TGFB2: variants seen among roughly 807,000 people sequenced by gnomAD.
TGFB2 encodes transforming growth factor beta 2, also known as transforming growth factor beta-2 proprotein.
In TGFB2, 13 loss-of-function variants were observed where a neutral mutation model predicts 42.7. That is an observed-to-expected ratio of 0.30 (90% CI 0.20 to 0.48). The LOEUF (loss-of-function observed/expected upper bound fraction) is 0.48, where lower values mean the gene tolerates loss of function less well. Ranked by LOEUF, TGFB2 falls within the 20% of genes least tolerant of loss-of-function variation. The probability of loss-of-function intolerance (pLI) is 0.99; values close to 1 mark genes in which losing one functional copy is unlikely to be tolerated. For missense variants in TGFB2, 390 were observed against 517.5 expected (o/e 0.75, Z 2.39); for synonymous variants, 193 against 193.6 (o/e 1.00, Z 0.03).
At chr1:218,349,310 A>T (rs1438302119) in intron 1 of TGFB2, among the ~76,000 whole-genome samples, 1 of 152,192 alleles carries the variant, frequency 6.6e-6, no homozygotes, top group Non-Finnish European at 1.5e-5. Flanking sequence ...AGCACTTTTT[A>T]GTTATACTGG....
chr1:218,400,450 G>A (rs1036856694), intron 1 of TGFB2, among the ~76,000 whole-genome samples: 3 of 152,030 alleles, frequency 2.0e-5, no homozygotes, highest in Non-Finnish European at 4.4e-5. Context: ...TCCAGCAGCT[G>A]CTGGGGTCCC....
Position 218,374,878 on chromosome 1 carries a change from C to G in TGFB2, c.346+27831C>G, listed in dbSNP as rs903856829. Among the ~76,000 whole-genome samples, 7 of 152,168 alleles carry G rather than the reference C, an allele frequency of 4.6e-5. No homozygotes were observed. In the South Asian group the frequency reaches 1.4e-3, roughly 32 times the overall value. The stretch of plus-strand genomic sequence containing the variant: ...AGGCTTGTGTTCTTGGGTCTGTAGC[C>G]AGACAGCACAAGTATTTTTAGGGCT... On this transcript the variant is annotated intron_variant, in intron 1 of 6. Transcript: ENST00000366930.
chr1:218,421,483 G>C (rs144783158), intron 2 of TGFB2, among the ~76,000 whole-genome samples: 77 of 151,614 alleles, frequency 5.1e-4, no homozygotes, highest in African/African-American at 1.6e-3. Context: ...AATATACCAA[G>C]CAGGGATTGG....
At chr1:218,351,824 C>T (rs1035703173) in intron 1 of TGFB2, among the ~76,000 whole-genome samples, 11 of 152,150 alleles carry the variant, frequency 7.2e-5, no homozygotes, top group Non-Finnish European at 1.3e-4. Flanking sequence ...CTAGTCGCAG[C>T]ATCTTTCATA....
chr1:218,407,556 G>T (rs190701607), intron 2 of TGFB2, among the ~76,000 whole-genome samples: 1 of 152,320 alleles, frequency 6.6e-6, no homozygotes, highest in African/African-American at 2.4e-5. Context: ...TGTGTGACCA[G>T]ACACTATGCT....
chr1:218,357,929 A>G (rs11807048), intron 1 of TGFB2, among the ~76,000 whole-genome samples: 1,793 of 152,318 alleles, frequency 0.012, 32 homozygotes, highest in African/African-American at 0.041. Flanking sequence ...GTACTGTAGT[A>G]TCTTTTTGGT....
rs1571839373 is a variant in TGFB2, at chr1:218,366,100, A to G, written c.346+19053A>G. Among the ~76,000 whole-genome samples the G allele has an allele frequency of 5.3e-5, 8 of 152,196 alleles. No homozygotes were observed. In the South Asian group the frequency reaches 1.7e-3, roughly 32 times the overall value. On this transcript the variant is annotated intron_variant, in intron 1 of 6. Coordinates refer to ENST00000366930, the MANE Select transcript of TGFB2 (RefSeq NM_003238.6). The stretch of plus-strand genomic sequence containing the variant: ...TCTCTTTTCAAGCTTATTATCCCCA[A>G]TAATATTGGTTAAGATGTGGTTAGC...
intron 1 of TGFB2, among the ~76,000 whole-genome samples, chr1:218,368,502 T>C (rs1326649417): frequency 2.0e-5 from 3 of 152,230 alleles, no homozygotes; most frequent in African/African-American, 7.2e-5. Flanking sequence ...GTGAATTGAA[T>C]AGCAAAAATC....
intron 1 of TGFB2, among the ~76,000 whole-genome samples, chr1:218,393,916 T>TA (rs1294903446): frequency 6.6e-6 from 1 of 151,634 alleles, no homozygotes; most frequent in East Asian, 1.9e-4. Flanking sequence ...CCTCTTTTTT[T>TA]TTTTTTTTTA....
intron 1 of TGFB2, among the ~76,000 whole-genome samples, chr1:218,400,435 T>C (rs367572233): frequency 1.3e-5 from 2 of 151,952 alleles, no homozygotes; most frequent in Admixed American, 6.5e-5. Flanking sequence ...ACTTGGAACA[T>C]GTAGTCCAGC....
intron 1 of TGFB2, among the ~76,000 whole-genome samples, chr1:218,361,929 C>T (rs1206317555): frequency 6.6e-6 from 1 of 152,188 alleles, no homozygotes; most frequent in African/African-American, 2.4e-5. Context: ...GCAGTATGTG[C>T]TTATAGAATC....
In TGFB2 at chr1:218,405,179, G is replaced by T. The variant is rs138514914; in HGVS notation, c.357G>T (p.Pro119=). ...CCTAATTTTTTACAGATGCCATCCC[G>T]CCCACTTTCTACAGACCCTACTTCA... ...PPFFPSENAI[P]PTFYRPYFRI... is the part of the protein sequence containing the mutation. The change falls in exon 2 of 7, where the codon CCG becomes CCT. Residue 119 remains proline (P), a synonymous_variant. Coordinates refer to ENST00000366930, the MANE Select transcript of TGFB2 (RefSeq NM_003238.6). 1.3e-6 allele frequency: 2 copies of T among 1,582,986 alleles called. No individual in the cohort carries two copies. Among genetic ancestry groups the T allele is most frequent in the Non-Finnish European group, 8.6e-7 (1 of 1,160,134 alleles).
intron 2 of TGFB2, among the ~76,000 whole-genome samples, chr1:218,433,473 A>AG (rs1478521060): frequency 6.6e-6 from 1 of 152,244 alleles, no homozygotes; most frequent in Non-Finnish European, 1.5e-5. Context: ...CTGAGTCTGC[A>AG]GGGGATGGAA....
intron 1 of TGFB2, among the ~76,000 whole-genome samples, chr1:218,354,567 C>T (rs1014052046): frequency 6.6e-6 from 1 of 152,228 alleles, no homozygotes; most frequent in South Asian, 2.1e-4. Context: ...AATACTCATA[C>T]TGTCCCTTTG....
At chr1:218,373,956 C>T (rs1317969792) in intron 1 of TGFB2, among the ~76,000 whole-genome samples, 1 of 152,170 alleles carries the variant, frequency 6.6e-6, no homozygotes, top group Non-Finnish European at 1.5e-5. Context: ...TAAGCAGTGG[C>T]CTCTGAGCTT....
At chr1:218,407,237 T>G (rs1039288085) in intron 2 of TGFB2, among the ~76,000 whole-genome samples, 1 of 152,114 alleles carries the variant, frequency 6.6e-6, no homozygotes, top group Non-Finnish European at 1.5e-5. Context: ...CTAACTCTAA[T>G]GTATTTTTCT....
At chr1:218,404,109 A>T (rs1658825922) in intron 1 of TGFB2, among the ~76,000 whole-genome samples, 1 of 148,114 alleles carries the variant, frequency 6.8e-6, no homozygotes, top group Non-Finnish European at 1.5e-5. Context: ...AGCTTGATTG[A>T]TTGATTGACT....
intron 1 of TGFB2, 49 bp downstream of exon 1, chr1:218,347,096 A>T: frequency 6.6e-7 from 1 of 1,520,172 alleles, no homozygotes; most frequent in Non-Finnish European, 8.8e-7. Flanking sequence ...CTCTGCCCGG[A>T]GCTCTCAAAA....
chr1:218,351,998 T>C (rs1445372069), intron 1 of TGFB2, among the ~76,000 whole-genome samples: 1 of 152,148 alleles, frequency 6.6e-6, no homozygotes, highest in Non-Finnish European at 1.5e-5. Context: ...TTAGGCTGCA[T>C]ATTTAGAAGG....
Sources: allele counts gnomAD v4.1 joint callset (sites outside exome capture counted in the v4.1 genomes callset), GRCh38; gene constraint gnomAD v4.1.1; transcripts MANE v1.5; gene names NCBI Gene and HGNC (gene_info 2026-07-23, HGNC 2026-07-21).